Variants in CMTM8 observed in about 807,000 individuals in gnomAD.
The protein encoded by CMTM8 is CKLF like MARVEL transmembrane domain containing 8.
CMTM8 carries 12 observed loss-of-function variants against 18.6 expected under a neutral mutation model. That is an observed-to-expected ratio of 0.65 (90% confidence interval 0.41 to 1.05). The LOEUF is 1.05. Ranked by LOEUF, CMTM8 falls within the 50% of genes least tolerant of loss-of-function variation. The pLI, the probability that CMTM8 is intolerant of heterozygous loss-of-function variation, is 0.00. For synonymous variants in CMTM8, 87 were observed against 90.6 expected (o/e 0.96, Z 0.23); for missense variants, 217 against 227.2 (o/e 0.95, Z 0.29).
intron 1 of CMTM8, among the ~76,000 whole-genome samples, chr3:32,258,167 T>C (rs1702201350): frequency 6.6e-6 from 1 of 152,210 alleles, no homozygotes; most frequent in Non-Finnish European, 1.5e-5. Context: ...ACTGTTTTTT[T>C]CAGTAGGTCC....
intron 1 of CMTM8, among the ~76,000 whole-genome samples, chr3:32,326,515 C>CTTTTT (rs58555396): frequency 4.9e-4 from 56 of 113,350 alleles, no homozygotes; most frequent in African/African-American, 6.3e-4. Context: ...TTCTTTCTTT[C>CTTTTT]TTTTTTTTTT....
intron 1 of CMTM8, among the ~76,000 whole-genome samples, chr3:32,355,712 G>C (rs1358437015): frequency 6.6e-6 from 1 of 152,044 alleles, no homozygotes; most frequent in African/African-American, 2.4e-5. Context: ...AAATCCCTAG[G>C]CCTCCTGGGC....
At chr3:32,273,042 A>G (rs1032256577) in intron 1 of CMTM8, among the ~76,000 whole-genome samples, 2 of 152,172 alleles carry the variant, frequency 1.3e-5, no homozygotes, top group African/African-American at 2.4e-5. Flanking sequence ...CAAAATCACA[A>G]TGAGATACCA....
chr3:32,286,942 C>T (rs575236140), intron 1 of CMTM8, among the ~76,000 whole-genome samples: 21 of 152,368 alleles, frequency 1.4e-4, no homozygotes, highest in African/African-American at 5.0e-4. Flanking sequence ...ATGTGGGCTC[C>T]AGCCCTGCCT....
chr3:32,292,547 T>A (rs879923129), intron 1 of CMTM8, among the ~76,000 whole-genome samples: 1 of 152,220 alleles, frequency 6.6e-6, no homozygotes, highest in Non-Finnish European at 1.5e-5. Flanking sequence ...CCCGCCTTCC[T>A]GCCATTAACC....
chr3:32,310,766 A>G (rs1695804292), intron 1 of CMTM8, among the ~76,000 whole-genome samples: 1 of 152,230 alleles, frequency 6.6e-6, no homozygotes, highest in Non-Finnish European at 1.5e-5. Flanking sequence ...TTCAGGTTAT[A>G]CAAGTATAAA....
At chr3:32,292,074 G>C (rs1459607190) in intron 1 of CMTM8, among the ~76,000 whole-genome samples, 1 of 152,170 alleles carries the variant, frequency 6.6e-6, no homozygotes, top group Non-Finnish European at 1.5e-5. Flanking sequence ...CTTGTGGTTT[G>C]AGTTTTAACA....
At chr3:32,318,496 T>C (rs1695973706) in intron 1 of CMTM8, among the ~76,000 whole-genome samples, 1 of 152,142 alleles carries the variant, frequency 6.6e-6, no homozygotes, top group South Asian at 2.1e-4. Context: ...TTTTATCTTA[T>C]TGTGAGAAAT....
intron 1 of CMTM8, among the ~76,000 whole-genome samples, chr3:32,347,266 T>C (rs1004725844): frequency 6.6e-6 from 1 of 151,218 alleles, no homozygotes; most frequent in African/African-American, 2.4e-5. Flanking sequence ...TGTTTTGTTT[T>C]GTTTTTTGGT....
chr3:32,298,941 G>A lies in CMTM8; in HGVS notation c.148-58432G>A, dbSNP rs868480701. Among the ~76,000 whole-genome samples the A allele has an allele frequency of 2.8e-3, 353 of 124,988 alleles. 2 individuals are homozygous for A. Among genetic ancestry groups the A allele is most frequent in the Middle Eastern group, 4.7e-3 (1 of 214 alleles). The allele number at this position is 124,988 out of a possible 152,430, so 82.0% of individuals were successfully genotyped here. ...CACACACACATATATATATATATAT[G>A]TATATATATATATATTTTTTTTTTT... On this transcript the variant is annotated intron_variant, in intron 1 of 3. Coordinates refer to ENST00000307526, the MANE Select transcript of CMTM8 (RefSeq NM_178868.5).
chr3:32,258,955 C>T, intron 1 of CMTM8: 1 of 339,310 alleles, frequency 2.9e-6, no homozygotes, highest in South Asian at 3.0e-5. Context: ...CTTCACCACT[C>T]GTTCCACCTT....
intron 1 of CMTM8, among the ~76,000 whole-genome samples, chr3:32,276,280 G>A (rs1011461103): frequency 2.6e-5 from 4 of 152,124 alleles, no homozygotes; most frequent in African/African-American, 7.2e-5. Flanking sequence ...TTCAGTGAGG[G>A]GGTGCAGAGA....
intron 1 of CMTM8, among the ~76,000 whole-genome samples, chr3:32,251,208 A>G (rs187855786): frequency 6.6e-6 from 1 of 152,350 alleles, no homozygotes; most frequent in Admixed American, 6.5e-5. Context: ...AATAATATTC[A>G]GGGGAGCCTG....
At chr3:32,281,214 C>T (rs1451318260) in intron 1 of CMTM8, among the ~76,000 whole-genome samples, 1 of 152,184 alleles carries the variant, frequency 6.6e-6, no homozygotes, top group East Asian at 1.9e-4. Context: ...TCCCTGGCAC[C>T]TCTCTAGTGG....
At chr3:32,265,947 T>C (rs1197374776) in intron 1 of CMTM8, among the ~76,000 whole-genome samples, 2 of 152,122 alleles carry the variant, frequency 1.3e-5, no homozygotes, top group African/African-American at 4.8e-5. Context: ...GGCTCTGAAA[T>C]TGAGGCAATA....
chr3:32,282,197 T>G (rs1370125270), intron 1 of CMTM8, among the ~76,000 whole-genome samples: 3 of 152,194 alleles, frequency 2.0e-5, no homozygotes, highest in Non-Finnish European at 4.4e-5. Flanking sequence ...AAAGAACCCA[T>G]GAGGACACAG....
intron 1 of CMTM8, among the ~76,000 whole-genome samples, chr3:32,247,522 C>T (rs984172873): frequency 1.8e-4 from 27 of 152,038 alleles, no homozygotes; most frequent in African/African-American, 6.5e-4. Context: ...TATGGAGTTT[C>T]ACCATGTTGG....
At chr3:32,269,731 A>T (rs1234373118) in intron 1 of CMTM8, among the ~76,000 whole-genome samples, 1 of 152,192 alleles carries the variant, frequency 6.6e-6, no homozygotes, top group African/African-American at 2.4e-5. Flanking sequence ...TCTTTGTTTC[A>T]CTAAAACTTT....
At chr3:32,352,256 G>A (rs1182391646) in intron 1 of CMTM8, among the ~76,000 whole-genome samples, 2 of 149,786 alleles carry the variant, frequency 1.3e-5, no homozygotes, top group Non-Finnish European at 3.0e-5. Flanking sequence ...AGAACTCTAA[G>A]TGGTTGATAA....
Sources: allele counts gnomAD v4.1 joint callset (sites outside exome capture counted in the v4.1 genomes callset), GRCh38; gene constraint gnomAD v4.1.1; transcripts MANE v1.5; gene names NCBI Gene and HGNC (gene_info 2026-07-23, HGNC 2026-07-21).